The following TUBGCP5 variants were observed in gnomAD, a reference collection of about 807,000 sequenced individuals.
TUBGCP5 encodes tubulin gamma complex component 5.
Under a neutral mutation model 134.7 loss-of-function variants are expected in TUBGCP5, and 98 were observed. The ratio of observed to expected loss-of-function variants is 0.73; its 90% CI spans 0.62 to 0.86. TUBGCP5 has a LOEUF of 0.86. Among genes scored for constraint, TUBGCP5 ranks in the 40% least tolerant of loss-of-function variants. The pLI, the probability that TUBGCP5 is intolerant of heterozygous loss-of-function variation, is 0.00. For missense variants in TUBGCP5, 1,150 were observed against 1,244.8 expected, an observed-to-expected ratio of 0.92 and a Z score of 1.15; for synonymous variants, 456 against 431.4, an observed-to-expected ratio of 1.06 and a Z score of -0.71.
At chr15:23,020,247 A>C (rs1220238517) in intron 11 of TUBGCP5, among the ~76,000 whole-genome samples, 1 of 151,990 alleles carries the variant, frequency 6.6e-6, no homozygotes, top group Non-Finnish European at 1.5e-5. Flanking sequence ...TCTCTATTAA[A>C]AATACAAAAA....
chr15:23,001,707 G>T (rs999225313), intron 21 of TUBGCP5, among the ~76,000 whole-genome samples: 1 of 151,570 alleles, frequency 6.6e-6, no homozygotes, highest in Non-Finnish European at 1.5e-5. Context: ...AACTTCAGAA[G>T]GGGTTTCCAT....
chr15:23,030,741 T>C, intron 6 of TUBGCP5, 144 bp downstream of exon 6: 1 of 781,026 alleles, frequency 1.3e-6, no homozygotes, highest in Non-Finnish European at 2.0e-6. Flanking sequence ...ATAGAAAACA[T>C]TACTAATGGT....
intron 23 of TUBGCP5, among the ~76,000 whole-genome samples, chr15:22,988,913 T>C (rs1164412102): frequency 6.6e-6 from 1 of 151,848 alleles, no homozygotes; most frequent in Admixed American, 6.5e-5. Flanking sequence ...TTTGTGTTTT[T>C]AGTACAGACA....
chr15:23,027,192 C>A lies in TUBGCP5; in HGVS notation c.737G>T (p.Trp246Leu), dbSNP rs1251721196. 4 of 1,607,786 alleles carry A rather than the reference C, an allele frequency of 2.5e-6. No individual in the cohort carries two copies. The highest frequency in any genetic ancestry group is 3.4e-6 in the Non-Finnish European group (4 of 1,175,904). Residue 246 changes from tryptophan (W) to leucine (L), a missense_variant and splice_region_variant, in exon 7 of 23, where the codon TGG becomes TTG. Physicochemically the swap from Trp to Leu is moderately conservative, Grantham distance 61 (BLOSUM62 -2). This residue lies in a region of TUBGCP5 where 453 missense variants were observed against 394.7 expected (regional missense o/e 1.15). Transcript: ENST00000615383. ...LHLHSNLAAV[W>L]DQHLYSSDPL... Reference sequence around the variant, plus strand: ...TTAAATGAAAACTTTAGCTTCTTACCAGACAGCAGCTAAATTAGAGTGCAA... The same window carrying A: ...TTAAATGAAAACTTTAGCTTCTTACAAGACAGCAGCTAAATTAGAGTGCAA...
rs575258300 is a variant in TUBGCP5 at position 23,004,588 on chromosome 15, T to C, written c.2713-361A>G. ...GTTACTTTTATACAAATAATTACAG[T>C]GAATTTATGTTTCTTAAGTTCCTTT... On this transcript the variant is annotated intron_variant, in intron 19 of 22. Coordinates refer to ENST00000615383, the MANE Select transcript of TUBGCP5 (RefSeq NM_052903.6). 3.2e-4 allele frequency: 57 copies of C among 176,750 alleles called. 3 individuals are homozygous for C. In the South Asian group the frequency reaches 8.8e-3, roughly 27 times the overall value. The allele number at this position is 176,750 out of a possible 1,614,324, so 10.9% of individuals were successfully genotyped here.
At chr15:23,039,057 G>A (rs73425356) in intron 1 of TUBGCP5, among the ~76,000 whole-genome samples, 6,846 of 152,052 alleles carry the variant, frequency 0.045, 410 homozygotes, top group African/African-American at 0.14. Flanking sequence ...TTATAAACAT[G>A]GAGTTGCTAC....
In TUBGCP5 at chr15:23,019,314, G is replaced by C. The variant is rs866593750; in HGVS notation, c.1392C>G (p.Leu464=). 2.5e-6 allele frequency: 4 copies of C among 1,613,682 alleles called. No individual in the cohort carries two copies. In the African/African-American group the frequency reaches 5.3e-5, roughly 22 times the overall value. The stretch of plus-strand genomic sequence containing the variant: ...GGTAAGGCCGCACCGTTTCCACCCA[G>C]AGAGAGAAAAGGAGGGAGACCTGAG... ...SEQTVSLLFS[L]WVETVRPYLQ... is the part of the protein sequence containing the mutation. The change falls in exon 12 of 23, where the codon CTC becomes CTG. Residue 464 remains leucine (L), a synonymous_variant. Coordinates refer to ENST00000615383, the MANE Select transcript of TUBGCP5 (RefSeq NM_052903.6).
intron 23 of TUBGCP5, among the ~76,000 whole-genome samples, chr15:22,984,634 G>T (rs1028430130): frequency 2.6e-5 from 4 of 151,700 alleles, no homozygotes; most frequent in African/African-American, 7.3e-5. Flanking sequence ...AAAAATAAAA[G>T]AAACTTTTTT....
Position 23,029,076 on chromosome 15 carries a change from T to C in TUBGCP5, c.623-1770A>G, listed in dbSNP as rs190011834. Among the ~76,000 whole-genome samples, 759 of 152,260 alleles carry C rather than the reference T, an allele frequency of 5.0e-3. 3 individuals carry two copies. Among genetic ancestry groups the C allele is most frequent in the Admixed American group, 5.3e-3 (81 of 15,290 alleles). On this transcript the variant is annotated intron_variant, in intron 6 of 22. Coordinates refer to ENST00000615383, the MANE Select transcript of TUBGCP5 (RefSeq NM_052903.6). ...GAAATTAACAAATGAACACTCAAGA[T>C]GTTTAAAAAAAATTTCCAAACTCTA...
intron 21 of TUBGCP5, among the ~76,000 whole-genome samples, chr15:23,002,738 T>C (rs1478520977): frequency 6.6e-6 from 1 of 152,190 alleles, no homozygotes; most frequent in Non-Finnish European, 1.5e-5. Context: ...AACACTGTCT[T>C]TGCCACTTCA....
At chr15:23,034,694 A>G (rs1356152706) in intron 3 of TUBGCP5, among the ~76,000 whole-genome samples, 1 of 152,054 alleles carries the variant, frequency 6.6e-6, no homozygotes, top group East Asian at 1.9e-4. Context: ...CCTCATCTCT[A>G]CTAAAAATAC....
At chr15:23,005,712 C>T in intron 18 of TUBGCP5, 102 bp from the exon 19 acceptor site, 1 of 1,272,512 alleles carries the variant, frequency 7.9e-7, no homozygotes, top group South Asian at 1.5e-5. Flanking sequence ...GGTCCTGGCA[C>T]CACAGAAAGC....
chr15:22,993,193 G>A (rs993428032), intron 23 of TUBGCP5, among the ~76,000 whole-genome samples: 4 of 151,896 alleles, frequency 2.6e-5, no homozygotes, highest in East Asian at 1.9e-4. Flanking sequence ...TCCACCTCCC[G>A]GCTTCAAGCG....
chr15:23,024,371 A>G, intron 9 of TUBGCP5, 178 bp from the exon 10 acceptor site: 1 of 655,892 alleles, frequency 1.5e-6, no homozygotes, highest in African/African-American at 1.8e-5. Context: ...AAAGTGAACA[A>G]TAATTTCAAC....
intron 11 of TUBGCP5, 21 bp from the exon 12 acceptor site, chr15:23,019,355 G>A (rs372572253): frequency 8.3e-5 from 128 of 1,547,902 alleles, no homozygotes; most frequent in East Asian, 1.8e-4. Context: ...GAGTGTGCAC[G>A]GTCAGCTCTC....
chr15:23,032,041 CAGA>C lies in TUBGCP5; in HGVS notation c.407-15_407-13del. 6.3e-7 allele frequency: 1 copy of C among 1,598,402 alleles called. No homozygotes were observed. The highest frequency in any genetic ancestry group is 1.3e-5 in the African/African-American group (1 of 74,504). On this transcript the variant is annotated splice_polypyrimidine_tract_variant and intron_variant, in intron 4 of 22. Coordinates refer to ENST00000615383, the MANE Select transcript of TUBGCP5 (RefSeq NM_052903.6). ...ATCATCTTTCTTTTCTAAAATGTAA[CAGA>C]AGAACTTCATTGGCTTTATTATATC...
intron 6 of TUBGCP5, 117 bp downstream of exon 6, chr15:23,030,768 A>G: frequency 7.9e-7 from 1 of 1,269,846 alleles, no homozygotes. Context: ...AATTGGTTTT[A>G]TAAGGATGGT....
chr15:23,015,042 C>T (rs2065235614), intron 13 of TUBGCP5, among the ~76,000 whole-genome samples: 1 of 152,120 alleles, frequency 6.6e-6, no homozygotes. Flanking sequence ...TACCCCTAAT[C>T]TGAGAAACAG....
chr15:22,989,588 G>A (rs540739021), intron 23 of TUBGCP5, among the ~76,000 whole-genome samples: 4 of 152,194 alleles, frequency 2.6e-5, no homozygotes, highest in South Asian at 2.1e-4. Context: ...TTGTTGTCCA[G>A]GTTGGCCTTG....
Sources: gnomAD v4.1 joint callset for allele counts (sites outside exome capture counted in the v4.1 genomes callset) on GRCh38, gnomAD v4.1.1 for gene constraint, gnomAD v4.1.1 regional missense constraint, MANE v1.5 for transcripts, NCBI Gene and HGNC (gene_info 2026-07-23, HGNC 2026-07-21) for gene names.